Variants in MARCHF1 observed in about 807,000 individuals in gnomAD.
The protein encoded by MARCHF1 is E3 ubiquitin-protein ligase MARCHF1.
In MARCHF1, 40 loss-of-function variants were observed where a neutral mutation model predicts 54.2. The observed-to-expected ratio is 0.74, with a 90% confidence interval of 0.57 to 0.96. The LOEUF (loss-of-function observed/expected upper bound fraction) is 0.96, where lower values mean the gene tolerates loss of function less well. Ranked by LOEUF, MARCHF1 falls within the 40% of genes least tolerant of loss-of-function variation. The probability of loss-of-function intolerance (pLI) is 0.00; values close to 1 mark genes in which losing one functional copy is unlikely to be tolerated. For synonymous variants in MARCHF1, 236 were observed against 236.3 expected (o/e 1.00, Z 0.01); for missense variants, 586 against 656.5 (o/e 0.89, Z 1.17).
intron 1 of MARCHF1, among the ~76,000 whole-genome samples, chr4:164,365,100 C>A (rs1481021014): frequency 1.1e-4 from 17 of 151,908 alleles, no homozygotes; most frequent in Admixed American, 1.1e-3. Context: ...TCATCATTCC[C>A]TGCCACGAAT....
intron 2 of MARCHF1, among the ~76,000 whole-genome samples, chr4:164,065,223 T>C (rs1754701821): frequency 6.6e-6 from 1 of 152,146 alleles, no homozygotes; most frequent in Non-Finnish European, 1.5e-5. Flanking sequence ...TCAGAAGAAA[T>C]GGTACTAGTT....
intron 3 of MARCHF1, among the ~76,000 whole-genome samples, chr4:163,970,829 C>T (rs968905321): frequency 1.3e-5 from 2 of 152,036 alleles, no homozygotes; most frequent in Non-Finnish European, 1.5e-5. Flanking sequence ...TAAGACATAC[C>T]AATATATGCT....
intron 9 of MARCHF1, among the ~76,000 whole-genome samples, chr4:163,531,764 T>G (rs184823466): frequency 3.5e-3 from 534 of 151,960 alleles, no homozygotes; most frequent in Admixed American, 5.6e-3. Flanking sequence ...AAAAGTCAAT[T>G]GCTTTCCTAT....
chr4:163,956,709 G>A (rs1752240233), intron 3 of MARCHF1, among the ~76,000 whole-genome samples: 1 of 152,020 alleles, frequency 6.6e-6, no homozygotes, highest in Admixed American at 6.6e-5. Flanking sequence ...TGGTTTGGGG[G>A]ACAATGAACA....
intron 7 of MARCHF1, among the ~76,000 whole-genome samples, chr4:163,586,228 T>G (rs1440199893): frequency 6.6e-6 from 1 of 152,186 alleles, no homozygotes; most frequent in Non-Finnish European, 1.5e-5. Context: ...ACCCAAAGTT[T>G]ATTCACTACC....
chr4:163,684,862 T>C (rs1025085151), intron 5 of MARCHF1, among the ~76,000 whole-genome samples: 2 of 152,362 alleles, frequency 1.3e-5, no homozygotes, highest in East Asian at 1.9e-4. Flanking sequence ...TCTGAAACTT[T>C]TCTAATTTTA....
intron 1 of MARCHF1, among the ~76,000 whole-genome samples, chr4:164,264,864 G>T (rs1733565469): frequency 6.7e-6 from 1 of 150,062 alleles, no homozygotes; most frequent in Admixed American, 6.6e-5. Context: ...AGTTTACAGT[G>T]AGCCAAAATC....
chr4:164,345,161 T>C lies in MARCHF1; in HGVS notation c.-323+38709A>G, dbSNP rs567824491. Among the ~76,000 whole-genome samples, 3 of 152,264 alleles carry C rather than the reference T, an allele frequency of 2.0e-5. No homozygotes were observed. The South Asian group carries it at 6.2e-4, about 32-fold the overall frequency. ...AAAAATTCCTAACACAAATAATAAA[T>C]GTTGATATGATGGCTATGTTAATAC... On this transcript the variant is annotated intron_variant, in intron 1 of 9. Coordinates refer to ENST00000514618, the MANE Select transcript of MARCHF1 (RefSeq NM_001394959.1).
At chr4:164,293,496 C>T (rs1470922908) in intron 1 of MARCHF1, among the ~76,000 whole-genome samples, 1 of 152,196 alleles carries the variant, frequency 6.6e-6, no homozygotes, top group Admixed American at 6.5e-5. Context: ...TCTCCTGGCT[C>T]GGAGTACAGC....
chr4:163,860,098 A>T (rs942596678), intron 3 of MARCHF1, among the ~76,000 whole-genome samples: 3 of 152,206 alleles, frequency 2.0e-5, no homozygotes, highest in Admixed American at 6.5e-5. Context: ...CCCATTAGAG[A>T]ATTGAAGTTG....
intron 1 of MARCHF1, among the ~76,000 whole-genome samples, chr4:164,314,244 G>A (rs988954805): frequency 6.6e-6 from 1 of 152,150 alleles, no homozygotes; most frequent in African/African-American, 2.4e-5. Context: ...CTTTAAGATG[G>A]AGTGTTCGTC....
At chr4:164,268,303 C>T (rs1733661326) in intron 1 of MARCHF1, among the ~76,000 whole-genome samples, 1 of 152,092 alleles carries the variant, frequency 6.6e-6, no homozygotes, top group Non-Finnish European at 1.5e-5. Context: ...TACTGTGTCA[C>T]CCGAAGTCTT....
At chr4:163,746,263 C>A (rs994260522) in intron 4 of MARCHF1, among the ~76,000 whole-genome samples, 13 of 152,162 alleles carry the variant, frequency 8.5e-5, no homozygotes, top group Non-Finnish European at 1.8e-4. Context: ...TCAAACAGTA[C>A]ATAGCCTTTT....
intron 1 of MARCHF1, among the ~76,000 whole-genome samples, chr4:164,299,938 G>T (rs1028648033): frequency 3.3e-5 from 5 of 152,046 alleles, no homozygotes; most frequent in Non-Finnish European, 7.4e-5. Context: ...TTCAATTTGT[G>T]GTAGAATTCA....
At chr4:163,524,496 CTT>C (rs988026882), downstream of MARCHF1, 6 of 152,226 alleles carry the variant, frequency 3.9e-5, no homozygotes, top group South Asian at 2.1e-4. Context: ...CTCTTGAACT[CTT>C]TTTTTAAAGC....
chr4:163,538,327 A>AT (rs199916398), intron 9 of MARCHF1, among the ~76,000 whole-genome samples: 1,991 of 56,846 alleles, frequency 0.035, 154 homozygotes, highest in Admixed American at 0.28. Context: ...AAAATTTATA[A>AT]ATTTTTTTTT....
At chr4:164,264,459 T>G (rs1733552177) in intron 1 of MARCHF1, among the ~76,000 whole-genome samples, 1 of 151,142 alleles carries the variant, frequency 6.6e-6, no homozygotes, top group African/African-American at 2.4e-5. Flanking sequence ...ATGTAACAAA[T>G]GCCCCTAAAC....
intron 4 of MARCHF1, among the ~76,000 whole-genome samples, chr4:163,754,294 C>T (rs955410478): frequency 7.9e-5 from 12 of 152,190 alleles, no homozygotes; most frequent in African/African-American, 2.2e-4. Flanking sequence ...GGCATCAGAC[C>T]TTCAGCTAGA....
chr4:163,923,927 A>C (rs1751484822), intron 3 of MARCHF1, among the ~76,000 whole-genome samples: 1 of 152,054 alleles, frequency 6.6e-6, no homozygotes, highest in Non-Finnish European at 1.5e-5. Context: ...TATTTTTAAA[A>C]ATTATAATCA....
Sources: gnomAD v4.1 joint callset for allele counts (sites outside exome capture counted in the v4.1 genomes callset) on GRCh38, gnomAD v4.1.1 for gene constraint, MANE v1.5 for transcripts, NCBI Gene and HGNC (gene_info 2026-07-23, HGNC 2026-07-21) for gene names.